VWF: variants seen among roughly 807,000 people sequenced by gnomAD.
The protein encoded by VWF is Factor VIII related antigen.
Under a neutral mutation model 308.6 loss-of-function variants are expected in VWF, and 176 were observed. The observed-to-expected ratio is 0.57, with a 90% CI of 0.50 to 0.65. The LOEUF (loss-of-function observed/expected upper bound fraction) is 0.65. VWF is among the 30% of genes least tolerant of loss of function. VWF has a pLI of 0.00. For synonymous variants in VWF, 1,385 were observed against 1,443.4 expected (o/e 0.96, Z 0.92); for missense variants, 3,146 against 3,648.2 (o/e 0.86, Z 3.55).
intron 44 of VWF, among the ~76,000 whole-genome samples, chr12:5,970,785 G>A (rs1261482840): frequency 2.0e-5 from 3 of 152,214 alleles, no homozygotes; most frequent in Non-Finnish European, 4.4e-5. Flanking sequence ...TCTTGCTGGG[G>A]AAGACAGAGG....
At chr12:5,983,128 T>C in intron 41 of VWF, 22 bp downstream of exon 41, 1 of 1,609,996 alleles carries the variant, frequency 6.2e-7, no homozygotes, top group Non-Finnish European at 8.5e-7. Context: ...ACACCACCCC[T>C]CCTCATCCAC....
At chr12:6,050,188 C>G (rs1278496664) in intron 16 of VWF, among the ~76,000 whole-genome samples, 1 of 152,196 alleles carries the variant, frequency 6.6e-6, no homozygotes, top group Non-Finnish European at 1.5e-5. Context: ...GTTCTTGCGT[C>G]ACTGTCCTCA....
At chr12:6,003,971 AC>A (rs1943901203) in intron 34 of VWF, among the ~76,000 whole-genome samples, 1 of 151,646 alleles carries the variant, frequency 6.6e-6, no homozygotes, top group Admixed American at 6.6e-5. Flanking sequence ...GCCCGCCACC[AC>A]GCCCGGCTAA....
intron 34 of VWF, among the ~76,000 whole-genome samples, chr12:5,998,748 G>A (rs956378094): frequency 2.0e-5 from 3 of 151,378 alleles, no homozygotes; most frequent in Non-Finnish European, 4.4e-5. Context: ...TTTTTTCCAA[G>A]AGAAGTGTCA....
intron 34 of VWF, among the ~76,000 whole-genome samples, chr12:6,007,483 A>G (rs1467764905): frequency 6.6e-6 from 1 of 152,234 alleles, no homozygotes; most frequent in East Asian, 1.9e-4. Context: ...CAATGAGTCA[A>G]AGAAGAAATC....
chr12:5,987,829 T>C (rs1012418340), intron 38 of VWF, among the ~76,000 whole-genome samples: 2 of 152,200 alleles, frequency 1.3e-5, no homozygotes, highest in African/African-American at 2.4e-5. Context: ...CCAGTAGTTG[T>C]CTAGGGTTGA....
intron 34 of VWF, among the ~76,000 whole-genome samples, chr12:6,006,524 T>C (rs1688557802): frequency 6.6e-6 from 1 of 152,208 alleles, no homozygotes; most frequent in Non-Finnish European, 1.5e-5. Context: ...ATGTCTGTGA[T>C]CCCAGCACTT....
chr12:6,075,605 G>A lies in VWF; in HGVS notation c.658-54C>T, dbSNP rs191965632. On this transcript the variant is annotated intron_variant, in intron 6 of 51. Coordinates refer to ENST00000261405, the MANE Select transcript of VWF (RefSeq NM_000552.5). The surrounding 1 kb of genome is among the most constrained non-coding windows in gnomAD (Gnocchi z 4.7). ...ATGCTCCGTTAGTGTCTCCCTGAGTGTGGCACTGAGACTTAGCCCTGCTAG... is the reference window on the plus strand; with the variant it reads ...ATGCTCCGTTAGTGTCTCCCTGAGTATGGCACTGAGACTTAGCCCTGCTAG... The A allele has an allele frequency of 6.4e-7, 1 of 1,567,862 alleles. No homozygotes were observed. The highest frequency in any genetic ancestry group is 2.4e-5 in the East Asian group (1 of 42,282).
intron 18 of VWF, among the ~76,000 whole-genome samples, chr12:6,042,160 C>T (rs563616809): frequency 6.6e-6 from 1 of 152,308 alleles, no homozygotes; most frequent in African/African-American, 2.4e-5. Context: ...GGAAGCCTGG[C>T]CTGACGGGTC....
At chr12:6,050,769 G>GGCCA (rs1355387369) in intron 16 of VWF, among the ~76,000 whole-genome samples, 2 of 152,088 alleles carry the variant, frequency 1.3e-5, no homozygotes, top group Non-Finnish European at 2.9e-5. Flanking sequence ...AGACCAGCCT[G>GGCCA]ACATGGCGAA....
chr12:5,966,568 G>A (rs1384014688), intron 47 of VWF, among the ~76,000 whole-genome samples: 3 of 152,040 alleles, frequency 2.0e-5, no homozygotes. Flanking sequence ...AGTGTAAAAC[G>A]CACCTGCACG....
intron 6 of VWF, among the ~76,000 whole-genome samples, chr12:6,091,957 C>T (rs1017892571): frequency 3.3e-5 from 5 of 152,162 alleles, no homozygotes; most frequent in Non-Finnish European, 7.3e-5. Context: ...AGAGCACCTG[C>T]CCTACTGCTC....
At position 5,952,497 on chromosome 12, in the gene VWF, C is replaced by T. The variant is rs1943202977; in HGVS notation, c.8009G>A (p.Gly2670Asp). 1.2e-6 allele frequency: 2 copies of T among 1,613,868 alleles called. No individual in the cohort carries two copies. The highest frequency in any genetic ancestry group is 1.3e-5 in the African/African-American group (1 of 74,896). The change falls in exon 49 of 52, where the codon GGC becomes GAC. Residue 2670 changes from glycine (G) to aspartate (D), a missense_variant. Around this residue, in one of 3 missense-constraint regions of VWF, gnomAD observed 989 missense variants for 1,117.4 expected, o/e 0.89. Coordinates refer to ENST00000261405, the MANE Select transcript of VWF (RefSeq NM_000552.5). Reference sequence around the variant, plus strand: ...GACCTTGCAGAAGTGAGTATCACAGCCATCCTGGAGCGTCTCATCACGCTG... The same window carrying T: ...GACCTTGCAGAAGTGAGTATCACAGTCATCCTGGAGCGTCTCATCACGCTG... The part of the protein sequence containing the change: ...TLKRDETLQD[G>D]CDTHFCKVNE...
chr12:6,000,613 C>A lies in VWF; in HGVS notation c.5843-4391G>T, dbSNP rs1319230231. 2.6e-5 allele frequency among the ~76,000 whole-genome samples: 4 copies of A among 151,866 alleles called. No individual in the cohort carries two copies. The East Asian group carries it at 7.8e-4, about 29-fold the overall frequency. On this transcript the variant is annotated intron_variant, in intron 34 of 51. Coordinates refer to ENST00000261405, the MANE Select transcript of VWF (RefSeq NM_000552.5). ...ACGAGGTCAGGTGATGGAGACCATCCCGGCTAACACGGTGAAACCCCGTCT... is the reference window on the plus strand; with the variant it reads ...ACGAGGTCAGGTGATGGAGACCATCACGGCTAACACGGTGAAACCCCGTCT...
At chr12:6,032,283 G>A (rs68120218) in intron 20 of VWF, among the ~76,000 whole-genome samples, 52,406 of 150,354 alleles carry the variant, frequency 0.35, 9,649 homozygotes, top group African/African-American at 0.46. Context: ...AGCCGAGATC[G>A]CACCACTGCA....
At position 6,029,367 on chromosome 12, in the gene VWF, G is replaced by A. The variant is rs1484529401; in HGVS notation, c.2942C>T (p.Ser981Phe). Residue 981 changes from serine to phenylalanine, a missense_variant, in exon 22 of 52, where the codon TCC (serine) becomes TTC (phenylalanine). By Grantham distance (155) the Ser-to-Phe change is radical. Coordinates refer to ENST00000261405, the MANE Select transcript of VWF (RefSeq NM_000552.5). ...CTGGTATGTCTGCTTCAGGACCACG[G>A]AGATGCTCAGGTGGCGGTCCCAGAC... ...SVVWDRHLSI[S>F]VVLKQTYQEK... The A allele has an allele frequency of 2.5e-6, 4 of 1,614,168 alleles. No individual in the cohort carries two copies. Among genetic ancestry groups the A allele is most frequent in the Non-Finnish European group, 3.4e-6 (4 of 1,180,040 alleles).
chr12:6,122,756 A>C (rs371848807), intron 2 of VWF: 1 of 539,772 alleles, frequency 1.9e-6, no homozygotes, highest in Non-Finnish European at 3.6e-6. Context: ...ACTTTGGAGC[A>C]GTCATTTCTC....
chr12:6,035,409 G>A lies in VWF; in HGVS notation c.2547-583C>T, dbSNP rs139839726. 7.6e-3 allele frequency among the ~76,000 whole-genome samples: 1,152 copies of A among 152,254 alleles called. 12 individuals are homozygous for A. The highest frequency in any genetic ancestry group is 0.044 in the Middle Eastern group (13 of 294). ...CACGTGTCCCTCCCTGCCACCACCC[G>A]TAACCAGAGCTGACATCAAGAAGCC... On this transcript the variant is annotated intron_variant, in intron 19 of 51. Transcript: ENST00000261405.
intron 5 of VWF, among the ~76,000 whole-genome samples, chr12:6,098,266 T>C (rs1341723523): frequency 6.6e-6 from 1 of 152,192 alleles, no homozygotes; most frequent in Non-Finnish European, 1.5e-5. Flanking sequence ...GTTTCTGAAA[T>C]ATTACCAGAG....
Sources: allele counts gnomAD v4.1 joint callset (sites outside exome capture counted in the v4.1 genomes callset), GRCh38; gene constraint gnomAD v4.1.1; regional missense constraint gnomAD v4.1.1; non-coding constraint Gnocchi (gnomAD v3.1); transcripts MANE v1.5; gene names NCBI Gene and HGNC (gene_info 2026-07-23, HGNC 2026-07-21).